The following CAMK2G variants were observed in gnomAD, a reference collection of about 807,000 sequenced individuals.
The protein encoded by CAMK2G is calcium/calmodulin dependent protein kinase II gamma.
CAMK2G carries 23 observed loss-of-function variants against 88.7 expected under a neutral mutation model. That is an observed-to-expected ratio of 0.26 (90% CI 0.19 to 0.37). CAMK2G has a LOEUF of 0.37. Ranked by LOEUF, CAMK2G falls within the 10% of genes least tolerant of loss-of-function variation. CAMK2G has a pLI of 1.00. For synonymous variants in CAMK2G, 263 were observed against 294.8 expected (o/e 0.89, Z 1.11); for missense variants, 476 against 780.8 (o/e 0.61, Z 4.65).
intron 14 of CAMK2G, among the ~76,000 whole-genome samples, chr10:73,832,083 T>A (rs1280897116): frequency 1.3e-5 from 2 of 151,252 alleles, no homozygotes; most frequent in Non-Finnish European, 2.9e-5. Flanking sequence ...AAATAGTATT[T>A]AAAAAAAATT....
Position 73,848,773 on chromosome 10 carries a change from T to C in CAMK2G, c.518-164A>G, listed in dbSNP as rs1169488772. On this transcript the variant is annotated intron_variant, in intron 7 of 22. Coordinates refer to ENST00000423381, the MANE Select transcript of CAMK2G (RefSeq NM_001367534.1). The surrounding 1 kb of genome is among the most constrained non-coding windows in gnomAD (Gnocchi z 4.5). Reference sequence around the variant, plus strand: ...GACAGGCTGGGCTTCTTGTAGCGCCTGGAATCTGAACCAGACGGCAAAGCC... The same window carrying C: ...GACAGGCTGGGCTTCTTGTAGCGCCCGGAATCTGAACCAGACGGCAAAGCC... 6.6e-6 allele frequency among the ~76,000 whole-genome samples: 1 copy of C among 152,248 alleles called. No individual in the cohort carries two copies. Among genetic ancestry groups the C allele is most frequent in the East Asian group, 1.9e-4 (1 of 5,200 alleles).
chr10:73,820,413 C>T (rs994840681), intron 18 of CAMK2G, among the ~76,000 whole-genome samples: 94 of 144,456 alleles, frequency 6.5e-4, no homozygotes, highest in African/African-American at 2.4e-3. Context: ...AATCTTAGGA[C>T]TAGAGTGACC....
At chr10:73,864,744 G>A (rs1289097187) in intron 2 of CAMK2G, among the ~76,000 whole-genome samples, 5 of 152,106 alleles carry the variant, frequency 3.3e-5, no homozygotes, top group South Asian at 2.1e-4. Context: ...CCAGGTTCAC[G>A]CCCTTCTCCT....
At chr10:73,873,168 CCCA>C in intron 1 of CAMK2G, 85 bp from the exon 2 acceptor site, 1 of 1,048,116 alleles carries the variant, frequency 9.5e-7, no homozygotes, top group South Asian at 1.3e-5. Flanking sequence ...CGATGATGCT[CCCA>C]CCACCAGACC....
intron 19 of CAMK2G, among the ~76,000 whole-genome samples, chr10:73,819,135 C>A (rs767706925): frequency 5.9e-5 from 9 of 152,116 alleles, no homozygotes; most frequent in Non-Finnish European, 1.2e-4. Flanking sequence ...TATGCTGAGA[C>A]TCAGGAAGCA....
At chr10:73,853,802 G>A (rs1451172843) in intron 3 of CAMK2G, among the ~76,000 whole-genome samples, 1 of 152,222 alleles carries the variant, frequency 6.6e-6, no homozygotes, top group Non-Finnish European at 1.5e-5. Context: ...AGCTTATTAA[G>A]TGCTTACTAT....
At position 73,839,377 on chromosome 10, in the gene CAMK2G, G is replaced by A. The variant is rs559980210; in HGVS notation, c.1009+162C>T. Among the ~76,000 whole-genome samples, 27 of 152,356 alleles carry A rather than the reference G, an allele frequency of 1.8e-4. No homozygotes were observed. Among genetic ancestry groups the A allele is most frequent in the African/African-American group, 6.3e-4 (26 of 41,592 alleles). On this transcript the variant is annotated intron_variant, in intron 13 of 22. Transcript: ENST00000423381. This position sits in a 1 kb window ranked among gnomAD's most constrained non-coding sequence, Gnocchi z 4.2. ...GCTGGTTAGGGGGCTCCATAACAAC[G>A]ATGCGCTTGCAGATGCCAAGTTAGG...
intron 19 of CAMK2G, chr10:73,818,892 G>C (rs759465001): frequency 2.2e-6 from 1 of 449,572 alleles, no homozygotes; most frequent in Non-Finnish European, 4.5e-6. Context: ...CAGCACAGAC[G>C]TAACTAGAAA....
intron 10 of CAMK2G, among the ~76,000 whole-genome samples, chr10:73,845,005 G>A (rs2094122768): frequency 6.6e-6 from 1 of 152,072 alleles, no homozygotes; most frequent in Non-Finnish European, 1.5e-5. Context: ...GCTCTTTGCT[G>A]GGCCCCCTAA....
rs1035014361 is a variant in CAMK2G at position 73,815,165 on chromosome 10, G to A, written c.1617C>T (p.Ile539=). ...VHVIGEDAAC[I]AYIRLTQYID... is the part of the protein sequence containing the mutation. ...TGTACTGGGTGAGGCGGATGTAGGCGATGCACGCTGCGTCCTCCCCAATCA... is the reference window on the plus strand; with the variant it reads ...TGTACTGGGTGAGGCGGATGTAGGCAATGCACGCTGCGTCCTCCCCAATCA... Residue 539 remains isoleucine (I), a synonymous_variant, in exon 22 of 23, where the codon ATC becomes ATT. Coordinates refer to ENST00000423381, the MANE Select transcript of CAMK2G (RefSeq NM_001367534.1). 4.3e-6 allele frequency: 7 copies of A among 1,614,226 alleles called. No homozygotes were observed. The highest frequency in any genetic ancestry group is 4.5e-5 in the East Asian group (2 of 44,888).
In CAMK2G at chr10:73,850,286, C is replaced by T. The variant is rs769696759; in HGVS notation, c.342-953G>A. ...TTGGGATTACAGGCGTGAGCCACTG[C>T]GCCCAGCCACAGTCACACACGTAAA... On this transcript the variant is annotated intron_variant, in intron 5 of 22. Coordinates refer to ENST00000423381, the MANE Select transcript of CAMK2G (RefSeq NM_001367534.1). Among the ~76,000 whole-genome samples the T allele has an allele frequency of 1.4e-4, 22 of 152,338 alleles. No individual in the cohort carries two copies. In the South Asian group the frequency reaches 1.4e-3, roughly 10 times the overall value.
At chr10:73,860,531 C>T (rs1050134452) in intron 3 of CAMK2G, among the ~76,000 whole-genome samples, 39 of 152,140 alleles carry the variant, frequency 2.6e-4, no homozygotes, top group African/African-American at 7.7e-4. Flanking sequence ...GAACCTCACA[C>T]GCTGAGGACC....
At chr10:73,819,392 C>T (rs1327728463) in intron 19 of CAMK2G, 140 bp downstream of exon 19, 17 of 676,044 alleles carry the variant, frequency 2.5e-5, no homozygotes, top group Admixed American at 9.0e-5. Context: ...AGTCTACCCC[C>T]CACCCCCAGC....
At chr10:73,850,810 C>A (rs1382959362) in intron 5 of CAMK2G, among the ~76,000 whole-genome samples, 1 of 152,220 alleles carries the variant, frequency 6.6e-6, no homozygotes, top group Non-Finnish European at 1.5e-5. Context: ...TAGGACACAG[C>A]CCAAGAGTGG....
At chr10:73,849,567 G>A (rs1181107616) in intron 5 of CAMK2G, among the ~76,000 whole-genome samples, 1 of 152,188 alleles carries the variant, frequency 6.6e-6, no homozygotes, top group Admixed American at 6.5e-5. Context: ...CCGCTAGAAC[G>A]GGTTCCTCTC....
chr10:73,852,511 C>T, intron 4 of CAMK2G, 192 bp from the exon 5 acceptor site: 2 of 578,406 alleles, frequency 3.5e-6, no homozygotes, highest in Non-Finnish European at 3.1e-6. Context: ...GTATCATGGG[C>T]CGTCCCTTCC....
chr10:73,837,666 C>T (rs2134192336), intron 13 of CAMK2G, among the ~76,000 whole-genome samples, 155 bp from the exon 14 acceptor site: 1 of 152,302 alleles, frequency 6.6e-6, no homozygotes, highest in South Asian at 2.1e-4. Flanking sequence ...AGCCTCTCAG[C>T]AAGAAGGGGA....
chr10:73,817,461 A>T lies in CAMK2G; in HGVS notation c.1439+18T>A, dbSNP rs2086063062. 1 of 1,563,942 alleles carries T rather than the reference A, an allele frequency of 6.4e-7. No homozygotes were observed. Among genetic ancestry groups the T allele is most frequent in the Admixed American group, 1.7e-5 (1 of 59,928 alleles). ...GGGAGATGACTTAGGTCACAAAAAAAAATGGGTCTCTACTTACGTGTAGGC... is the reference window on the plus strand; with the variant it reads ...GGGAGATGACTTAGGTCACAAAAAATAATGGGTCTCTACTTACGTGTAGGC... On this transcript the variant is annotated intron_variant, in intron 20 of 22. Coordinates refer to ENST00000423381, the MANE Select transcript of CAMK2G (RefSeq NM_001367534.1).
At chr10:73,837,533 T>C (rs1310214544) in intron 13 of CAMK2G, 22 bp from the exon 14 acceptor site, 2 of 1,600,576 alleles carry the variant, frequency 1.2e-6, no homozygotes, top group Non-Finnish European at 1.7e-6. Context: ...AAGAGGAATA[T>C]CAAGTCTCCT....
Sources: gnomAD v4.1 joint callset for allele counts (sites outside exome capture counted in the v4.1 genomes callset) on GRCh38, gnomAD v4.1.1 for gene constraint, Gnocchi (gnomAD v3.1) non-coding constraint, MANE v1.5 for transcripts, NCBI Gene and HGNC (gene_info 2026-07-23, HGNC 2026-07-21) for gene names.